The following ANKRD44 variants were observed in gnomAD, a reference collection of about 807,000 sequenced individuals.
The protein encoded by ANKRD44 is serine/threonine-protein phosphatase 6 regulatory ankyrin repeat subunit B.
In ANKRD44, 35 loss-of-function variants were observed where a neutral mutation model predicts 116.0. The observed-to-expected ratio is 0.30, with a 90% CI of 0.23 to 0.40. The LOEUF is 0.40. Ranked by LOEUF, ANKRD44 falls within the 10% of genes least tolerant of loss-of-function variation. ANKRD44 has a pLI of 1.00. For missense variants in ANKRD44, 1,014 were observed against 1,242.6 expected, an observed-to-expected ratio of 0.82 and a Z score of 2.77; for synonymous variants, 435 against 461.8, an observed-to-expected ratio of 0.94 and a Z score of 0.74.
At chr2:197,109,160 G>C (rs766318343) in intron 9 of ANKRD44, among the ~76,000 whole-genome samples, 7 of 152,176 alleles carry the variant, frequency 4.6e-5, no homozygotes, top group Non-Finnish European at 1.0e-4. Context: ...AGCTGTTTAA[G>C]TTTTGTTTGT....
chr2:197,031,772 G>A (rs2076712629), intron 16 of ANKRD44, among the ~76,000 whole-genome samples: 1 of 151,958 alleles, frequency 6.6e-6, no homozygotes, highest in Admixed American at 6.6e-5. Flanking sequence ...GAGACACTTT[G>A]TGTTTGTTTC....
chr2:197,079,228 T>A lies in ANKRD44; in HGVS notation c.1539-414A>T, dbSNP rs531692665. On this transcript the variant is annotated intron_variant, in intron 15 of 27. Coordinates refer to ENST00000282272, the MANE Select transcript of ANKRD44 (RefSeq NM_001195144.2). ...ACAGGGCAACCTCAATAGGGAGGGG[T>A]TTACTCTTAACCTCACCATAAAATC... is the stretch of plus-strand genomic sequence containing the variant. 2.0e-5 allele frequency among the ~76,000 whole-genome samples: 3 copies of A among 151,678 alleles called. No individual in the cohort carries two copies. In the East Asian group the frequency reaches 5.8e-4, roughly 29 times the overall value.
chr2:197,195,402 T>C (rs1220096212), intron 1 of ANKRD44, among the ~76,000 whole-genome samples: 7 of 152,166 alleles, frequency 4.6e-5, no homozygotes, highest in Non-Finnish European at 7.4e-5. Flanking sequence ...AGATTGGAGT[T>C]AGAGGCCCAG....
At chr2:197,299,960 A>G (rs1308712892) in intron 1 of ANKRD44, among the ~76,000 whole-genome samples, 2 of 152,216 alleles carry the variant, frequency 1.3e-5, no homozygotes, top group African/African-American at 2.4e-5. Flanking sequence ...TGTTCACAAA[A>G]TGTTGCCATG....
At chr2:197,084,566 G>C (rs1559049415) in intron 13 of ANKRD44, among the ~76,000 whole-genome samples, 1 of 152,156 alleles carries the variant, frequency 6.6e-6, no homozygotes, top group Non-Finnish European at 1.5e-5. Context: ...CCTGGGTTCT[G>C]GCATTGGCAG....
At chr2:196,982,947 T>C (rs2075812157), downstream of ANKRD44, among the ~76,000 whole-genome samples, 1 of 152,120 alleles carries the variant, frequency 6.6e-6, no homozygotes, top group South Asian at 2.1e-4. Flanking sequence ...AAACACCACA[T>C]GTTCTCACTC....
At chr2:197,189,537 A>G (rs556552801) in intron 1 of ANKRD44, among the ~76,000 whole-genome samples, 1 of 152,362 alleles carries the variant, frequency 6.6e-6, no homozygotes, top group South Asian at 2.1e-4. Context: ...CATTTCACAC[A>G]AGACACAGAG....
In ANKRD44 at chr2:196,998,379, C is replaced by T. The variant is rs1559404810; in HGVS notation, c.2706G>A (p.Lys902=). The T allele has an allele frequency of 6.2e-7, 1 of 1,613,826 alleles. No individual in the cohort carries two copies. Among genetic ancestry groups the T allele is most frequent in the East Asian group, 2.2e-5 (1 of 44,834 alleles). Residue 902 remains lysine (K), a synonymous_variant, in exon 25 of 28, where the codon AAG becomes AAA. Transcript: ENST00000282272. ...VNSAQADLTV[K]DKDLNTPLHL... is the part of the protein sequence containing the mutation. Reference sequence around the variant, plus strand: ...GTAAGGGTGTATTCAAGTCCTTATCCTTTACAGTCAGATCAGCCTGGGCAC... The same window carrying T: ...GTAAGGGTGTATTCAAGTCCTTATCTTTTACAGTCAGATCAGCCTGGGCAC...
rs547878539 is a variant in ANKRD44 at position 197,211,096 on chromosome 2, G to A, written c.28-23990C>T. ...CCACCCCTATGCCATGACCTAGGCT[G>A]CAGCTGCTCTCTAAGGACTCCTTGG... On this transcript the variant is annotated intron_variant, in intron 1 of 27. Coordinates refer to ENST00000282272, the MANE Select transcript of ANKRD44 (RefSeq NM_001195144.2). Among the ~76,000 whole-genome samples, 3 of 152,280 alleles carry A rather than the reference G, an allele frequency of 2.0e-5. No homozygotes were observed. The South Asian group carries it at 6.2e-4, about 32-fold the overall frequency.
intron 8 of ANKRD44, among the ~76,000 whole-genome samples, chr2:197,111,482 T>C (rs2078564128): frequency 6.6e-6 from 1 of 151,854 alleles, no homozygotes; most frequent in Non-Finnish European, 1.5e-5. Flanking sequence ...CTACCAAAAA[T>C]ACAAAAATTA....
At chr2:197,287,347 G>C (rs992879506) in intron 1 of ANKRD44, among the ~76,000 whole-genome samples, 2 of 152,150 alleles carry the variant, frequency 1.3e-5, no homozygotes, top group African/African-American at 4.8e-5. Flanking sequence ...AAAGTATGAA[G>C]GAAGAGATTA....
At position 197,154,372 on chromosome 2, in the gene ANKRD44, G is replaced by T. The variant is rs544060111; in HGVS notation, c.112-7267C>A. ...TTTTTTGTATTTTTAGTAGAGACGG[G>T]GTTTCACCATGTTAGCCAGGATGGT... On this transcript the variant is annotated intron_variant, in intron 2 of 27. Transcript: ENST00000282272. 5.9e-5 allele frequency among the ~76,000 whole-genome samples: 9 copies of T among 151,426 alleles called. No individual in the cohort carries two copies. The South Asian group carries it at 1.9e-3, about 32-fold the overall frequency.
chr2:196,980,394 G>A (rs900746018), intron 21 of ANKRD44, among the ~76,000 whole-genome samples: 2 of 152,028 alleles, frequency 1.3e-5, no homozygotes, highest in East Asian at 1.9e-4. Context: ...AATAAAACAT[G>A]GAATGGATAA....
At chr2:197,164,664 C>T (rs1002669023) in intron 2 of ANKRD44, among the ~76,000 whole-genome samples, 2 of 152,200 alleles carry the variant, frequency 1.3e-5, no homozygotes, top group Non-Finnish European at 2.9e-5. Context: ...CCCCTCCTGC[C>T]CCGGACGTCC....
intron 1 of ANKRD44, among the ~76,000 whole-genome samples, chr2:197,271,300 C>T (rs943664506): frequency 2.0e-5 from 3 of 152,128 alleles, no homozygotes; most frequent in African/African-American, 7.2e-5. Flanking sequence ...GATTAGTGCC[C>T]TTATAAAACA....
chr2:197,168,845 T>C (rs1469581078), intron 2 of ANKRD44, among the ~76,000 whole-genome samples: 2 of 152,182 alleles, frequency 1.3e-5, no homozygotes, highest in Non-Finnish European at 2.9e-5. Flanking sequence ...CATGAGTACA[T>C]GGCGTCATGG....
intron 1 of ANKRD44, among the ~76,000 whole-genome samples, chr2:197,207,931 C>T (rs1196376802): frequency 6.6e-6 from 1 of 152,146 alleles, no homozygotes; most frequent in East Asian, 1.9e-4. Flanking sequence ...CTAAAGTCTT[C>T]CTCCCCCTTC....
At chr2:197,190,214 A>G (rs913146523) in intron 1 of ANKRD44, among the ~76,000 whole-genome samples, 2 of 152,202 alleles carry the variant, frequency 1.3e-5, no homozygotes, top group African/African-American at 4.8e-5. Flanking sequence ...TCAGGCATGC[A>G]TGCATAGAGA....
chr2:197,053,673 G>C (rs1289724396), intron 16 of ANKRD44, among the ~76,000 whole-genome samples: 2 of 152,126 alleles, frequency 1.3e-5, no homozygotes, highest in Non-Finnish European at 2.9e-5. Context: ...AGTAGAAACA[G>C]GGTTTCACCA....
Sources: gnomAD v4.1 joint callset for allele counts (sites outside exome capture counted in the v4.1 genomes callset) on GRCh38, gnomAD v4.1.1 for gene constraint, MANE v1.5 for transcripts, NCBI Gene and HGNC (gene_info 2026-07-23, HGNC 2026-07-21) for gene names.